Variants in RSPO3 observed in about 807,000 individuals in gnomAD.
RSPO3 encodes the protein R-spondin-3.
Under a neutral mutation model 36.5 loss-of-function variants are expected in RSPO3, and 17 were observed. The observed-to-expected ratio is 0.47, with a 90% CI of 0.32 to 0.70. The LOEUF is 0.70. Among genes scored for constraint, RSPO3 ranks in the 30% least tolerant of loss-of-function variants. The pLI is 0.04. For synonymous variants in RSPO3, 108 were observed against 107.0 expected (o/e 1.01, Z -0.06); for missense variants, 294 against 322.5 (o/e 0.91, Z 0.68).
chr6:127,138,682 G>A (rs1774209224), intron 1 of RSPO3, among the ~76,000 whole-genome samples: 1 of 152,128 alleles, frequency 6.6e-6, no homozygotes, highest in South Asian at 2.1e-4. Context: ...TGTTACAGAT[G>A]AGGAAACCTA....
chr6:127,123,237 T>C (rs200823465), intron 1 of RSPO3, among the ~76,000 whole-genome samples: 9 of 152,128 alleles, frequency 5.9e-5, no homozygotes, highest in Non-Finnish European at 8.8e-5. Flanking sequence ...ACTGATAAAA[T>C]AGAAAAATCT....
intron 4 of RSPO3, among the ~76,000 whole-genome samples, chr6:127,162,367 T>G (rs1408840553): frequency 1.3e-5 from 2 of 152,186 alleles, no homozygotes; most frequent in Admixed American, 1.3e-4. Context: ...GTTAGATTAG[T>G]GTGATTCCTC....
At chr6:127,123,371 A>G (rs1773882589) in intron 1 of RSPO3, among the ~76,000 whole-genome samples, 1 of 152,192 alleles carries the variant, frequency 6.6e-6, no homozygotes, top group African/African-American at 2.4e-5. Context: ...TGAGAGTAAC[A>G]GTGTTTTAAA....
intron 3 of RSPO3, among the ~76,000 whole-genome samples, chr6:127,154,738 C>T (rs943664063): frequency 6.6e-6 from 1 of 152,124 alleles, no homozygotes; most frequent in African/African-American, 2.4e-5. Flanking sequence ...TAGGCAAATT[C>T]ACAGCCCTGC....
intron 4 of RSPO3, among the ~76,000 whole-genome samples, chr6:127,188,761 G>T (rs1411577324): frequency 6.6e-6 from 1 of 152,096 alleles, no homozygotes; most frequent in Non-Finnish European, 1.5e-5. Context: ...TTTCTGATAA[G>T]CAGCTTTTCC....
intron 4 of RSPO3, among the ~76,000 whole-genome samples, chr6:127,172,752 T>A (rs1443072556): frequency 2.0e-5 from 3 of 151,808 alleles, no homozygotes; most frequent in African/African-American, 7.2e-5. Flanking sequence ...TCTTTAAATA[T>A]TGCAGGCATA....
At chr6:127,146,933 TGA>T (rs1774396122) in intron 1 of RSPO3, among the ~76,000 whole-genome samples, 2 of 152,164 alleles carry the variant, frequency 1.3e-5, no homozygotes, top group African/African-American at 4.8e-5. Flanking sequence ...TCACCAATGC[TGA>T]GTTACTGGCA....
chr6:127,126,330 T>C (rs1773939052), intron 1 of RSPO3, among the ~76,000 whole-genome samples: 1 of 152,018 alleles, frequency 6.6e-6, no homozygotes, highest in African/African-American at 2.4e-5. Context: ...GATACGGGGG[T>C]GTAAAAAATG....
intron 4 of RSPO3, among the ~76,000 whole-genome samples, chr6:127,185,955 T>C (rs1177079476): frequency 6.6e-6 from 1 of 152,148 alleles, no homozygotes; most frequent in Non-Finnish European, 1.5e-5. Context: ...TTCTTCTGTT[T>C]CTGTCTCAAA....
At chr6:127,163,437 C>A (rs1435675364) in intron 4 of RSPO3, among the ~76,000 whole-genome samples, 1 of 152,116 alleles carries the variant, frequency 6.6e-6, no homozygotes, top group Admixed American at 6.6e-5. Context: ...TCATAGTCTG[C>A]AGAAAGGAGT....
chr6:127,185,254 A>G (rs1775269742), intron 4 of RSPO3, among the ~76,000 whole-genome samples: 1 of 152,082 alleles, frequency 6.6e-6, no homozygotes. Flanking sequence ...TTAAGAACAG[A>G]CAATTGCTTC....
At chr6:127,166,289 TG>T (rs1381557821) in intron 4 of RSPO3, among the ~76,000 whole-genome samples, 1 of 152,000 alleles carries the variant, frequency 6.6e-6, no homozygotes. Flanking sequence ...ATTCTGCTAT[TG>T]ATGGATTGTA....
At chr6:127,180,191 T>C (rs956487572) in intron 4 of RSPO3, among the ~76,000 whole-genome samples, 1 of 151,742 alleles carries the variant, frequency 6.6e-6, no homozygotes, top group African/African-American at 2.4e-5. Context: ...GAGAGGAACT[T>C]TCCATTGAGA....
At chr6:127,158,345 C>T (rs887543645) in intron 4 of RSPO3, among the ~76,000 whole-genome samples, 10 of 152,092 alleles carry the variant, frequency 6.6e-5, no homozygotes, top group Admixed American at 3.9e-4. Context: ...TTTAGGTTCA[C>T]AGCTTGAGCA....
At chr6:127,168,777 A>C (rs1248294385) in intron 4 of RSPO3, among the ~76,000 whole-genome samples, 1 of 152,084 alleles carries the variant, frequency 6.6e-6, no homozygotes, top group Non-Finnish European at 1.5e-5. Flanking sequence ...ATTTTTGTAT[A>C]AGGTGTAAGA....
At position 127,197,538 on chromosome 6, in the gene RSPO3, C is replaced by T; in HGVS notation, c.*1531C>T. ...TGCAGCACAGAATCGCATGACCCAC[C>T]TTAACCTTCCTGTTGTCATGGAAGG... is the stretch of plus-strand genomic sequence containing the variant. On this transcript the variant is annotated 3_prime_UTR_variant, in exon 5 of 5. Coordinates refer to ENST00000356698, the MANE Select transcript of RSPO3 (RefSeq NM_032784.5). 6.5e-7 allele frequency: 1 copy of T among 1,549,868 alleles called. No homozygotes were observed. Among genetic ancestry groups the T allele is most frequent in the Non-Finnish European group, 8.7e-7 (1 of 1,146,710 alleles).
rs1436513871 is a variant in RSPO3 at position 127,148,634 on chromosome 6, A to G, written c.98-14A>G. Reference sequence around the variant, plus strand: ...TTTAACCTTTGTAATGTCTTTCTACATTTGTCTCCACAGTGCATCCTAACG... The same window carrying G: ...TTTAACCTTTGTAATGTCTTTCTACGTTTGTCTCCACAGTGCATCCTAACG... On this transcript the variant is annotated splice_polypyrimidine_tract_variant and intron_variant, in intron 1 of 4. Coordinates refer to ENST00000356698, the MANE Select transcript of RSPO3 (RefSeq NM_032784.5). The G allele has an allele frequency of 1.3e-6, 2 of 1,595,466 alleles. No homozygotes were observed. The highest frequency in any genetic ancestry group is 1.3e-5 in the African/African-American group (1 of 74,502).
At chr6:127,195,524 C>T (rs1775496940) in intron 4 of RSPO3, among the ~76,000 whole-genome samples, 1 of 152,162 alleles carries the variant, frequency 6.6e-6, no homozygotes. Context: ...TAAAACTTTC[C>T]ATGAAACATG....
chr6:127,178,626 C>G (rs1344585978), intron 4 of RSPO3, among the ~76,000 whole-genome samples: 1 of 151,442 alleles, frequency 6.6e-6, no homozygotes, highest in South Asian at 2.1e-4. Flanking sequence ...TAAATGGAAT[C>G]AATAAAAATA....
Sources: gnomAD v4.1 joint callset for allele counts (sites outside exome capture counted in the v4.1 genomes callset) on GRCh38, gnomAD v4.1.1 for gene constraint, MANE v1.5 for transcripts, NCBI Gene and HGNC (gene_info 2026-07-23, HGNC 2026-07-21) for gene names.